Variants in PTK2B observed in about 807,000 individuals in gnomAD.
The protein encoded by PTK2B is protein tyrosine kinase 2 beta.
In PTK2B, 71 loss-of-function variants were observed where a neutral mutation model predicts 142.9. That is an observed-to-expected ratio of 0.50 (90% CI 0.41 to 0.61). The LOEUF (loss-of-function observed/expected upper bound fraction) is 0.61. PTK2B is among the 20% of genes least tolerant of loss of function. The probability of loss-of-function intolerance (pLI) is 0.00; values close to 1 mark genes in which losing one functional copy is unlikely to be tolerated. For synonymous variants in PTK2B, 519 were observed against 503.4 expected, an observed-to-expected ratio of 1.03 and a Z score of -0.42; for missense variants, 1,105 against 1,320.4, an observed-to-expected ratio of 0.84 and a Z score of 2.53.
At chr8:27,367,736 G>A (rs1806106431) in intron 1 of PTK2B, among the ~76,000 whole-genome samples, 1 of 152,204 alleles carries the variant, frequency 6.6e-6, no homozygotes, top group South Asian at 2.1e-4. Context: ...TGGCAGAAGG[G>A]AAGAGGAGCT....
chr8:27,402,887 T>G (rs75847654), intron 2 of PTK2B, among the ~76,000 whole-genome samples: 3,950 of 152,322 alleles, frequency 0.026, 62 homozygotes, highest in Middle Eastern at 0.054. Context: ...CCAAAGTATT[T>G]TCCATTGTGT....
At chr8:27,311,409 GGC>G (rs1156626553), upstream of PTK2B, 24 of 791,888 alleles carry the variant, frequency 3.0e-5, no homozygotes, top group Non-Finnish European at 4.6e-5. Context: ...GGAGGGAGGG[GGC>G]GCTCGGAGGA....
At chr8:27,327,665 C>CA (rs879835631) in intron 1 of PTK2B, among the ~76,000 whole-genome samples, 3 of 151,986 alleles carry the variant, frequency 2.0e-5, no homozygotes, top group South Asian at 2.1e-4. Flanking sequence ...ATTTAAAAAA[C>CA]AAAAAATCAA....
intron 7 of PTK2B, 59 bp downstream of exon 7, chr8:27,430,477 G>C: frequency 6.2e-7 from 1 of 1,601,066 alleles, no homozygotes; most frequent in Non-Finnish European, 8.6e-7. Flanking sequence ...AGAGTGTAAG[G>C]GATGAGGCTG....
At chr8:27,329,887 A>T (rs1305445522) in intron 1 of PTK2B, among the ~76,000 whole-genome samples, 1 of 152,134 alleles carries the variant, frequency 6.6e-6, no homozygotes, top group Non-Finnish European at 1.5e-5. Context: ...AGACAATAAC[A>T]GGGCTTTGGG....
intron 21 of PTK2B, among the ~76,000 whole-genome samples, chr8:27,441,191 C>A (rs1265468215): frequency 6.6e-6 from 1 of 152,122 alleles, no homozygotes; most frequent in Non-Finnish European, 1.5e-5. Flanking sequence ...GACAATACAT[C>A]GATGAATGGG....
chr8:27,393,297 C>T (rs1348317990), intron 1 of PTK2B, among the ~76,000 whole-genome samples: 1 of 152,228 alleles, frequency 6.6e-6, no homozygotes, highest in Non-Finnish European at 1.5e-5. Context: ...TGAGCATCCA[C>T]AGCAGATGTT....
At chr8:27,351,598 ATAAAT>A (rs571738114) in intron 1 of PTK2B, among the ~76,000 whole-genome samples, 55 of 152,304 alleles carry the variant, frequency 3.6e-4, no homozygotes, top group African/African-American at 1.2e-3. Context: ...ACCAAAAAAA[ATAAAT>A]TAATTAATAA....
At chr8:27,398,710 G>A (rs1808208932) in intron 2 of PTK2B, among the ~76,000 whole-genome samples, 1 of 152,202 alleles carries the variant, frequency 6.6e-6, no homozygotes, top group Admixed American at 6.5e-5. Context: ...CAGGTCTGAG[G>A]ACATGGGATG....
intron 1 of PTK2B, among the ~76,000 whole-genome samples, chr8:27,353,834 A>C (rs1427621796): frequency 6.6e-6 from 1 of 152,210 alleles, no homozygotes; most frequent in Non-Finnish European, 1.5e-5. Flanking sequence ...CTCAGCAGAA[A>C]TGGGCCTGCT....
chr8:27,355,425 G>A lies in PTK2B; in HGVS notation c.-38+29744G>A, dbSNP rs145703156. Among the ~76,000 whole-genome samples, 700 of 152,264 alleles carry A rather than the reference G, an allele frequency of 4.6e-3. 7 individuals carry two copies. The highest frequency in any genetic ancestry group is 0.016 in the African/African-American group (663 of 41,542). The stretch of plus-strand genomic sequence containing the variant: ...CGCGAGCCAAATAATGTAGCCTCTA[G>A]GAGCTGGAAAAGACAAGAAGAAGGA... On this transcript the variant is annotated intron_variant, in intron 1 of 30. Transcript: ENST00000346049.
At chr8:27,436,528 CAA>C (rs1018993823) in intron 15 of PTK2B, among the ~76,000 whole-genome samples, 180 bp downstream of exon 15, 10 of 151,802 alleles carry the variant, frequency 6.6e-5, no homozygotes, top group African/African-American at 9.7e-5. Flanking sequence ...GTGGTGGAGA[CAA>C]GAGTCATTTC....
At chr8:27,425,720 T>C (rs1370338861) in intron 5 of PTK2B, among the ~76,000 whole-genome samples, 2 of 152,202 alleles carry the variant, frequency 1.3e-5, no homozygotes, top group Middle Eastern at 3.2e-3. Context: ...ATATCTACCA[T>C]TATAGCATTA....
At chr8:27,336,943 C>G (rs751061237) in intron 1 of PTK2B, among the ~76,000 whole-genome samples, 89 of 152,028 alleles carry the variant, frequency 5.9e-4, no homozygotes, top group Non-Finnish European at 1.0e-3. Flanking sequence ...TCAAGCGATT[C>G]TCCTGCCTCA....
intron 2 of PTK2B, among the ~76,000 whole-genome samples, chr8:27,401,822 CA>C (rs1327120033): frequency 1.3e-5 from 2 of 151,964 alleles, no homozygotes; most frequent in African/African-American, 2.4e-5. Context: ...GTGGCTATTA[CA>C]TTGAATCAAA....
intron 2 of PTK2B, among the ~76,000 whole-genome samples, chr8:27,413,196 T>C (rs557028279): frequency 1.2e-4 from 19 of 152,346 alleles, no homozygotes; most frequent in African/African-American, 3.8e-4. Flanking sequence ...TATTCTTTTT[T>C]CTGAACTATT....
Position 27,458,591 on chromosome 8 carries a change from C to G in PTK2B, c.*82C>G. 1 of 1,441,534 alleles carries G rather than the reference C, an allele frequency of 6.9e-7. No individual in the cohort carries two copies. The allele number at this position is 1,441,534 out of a possible 1,614,324, so 89.3% of individuals were successfully genotyped here. ...CTGCCTTGCTGTTGGTCATGTGGGT[C>G]TTCCAGGGGGAAGGCCAAGGGGAGT... On this transcript the variant is annotated 3_prime_UTR_variant, in exon 31 of 31. Coordinates refer to ENST00000346049, the MANE Select transcript of PTK2B (RefSeq NM_173176.3).
chr8:27,392,455 C>T (rs554038113), intron 1 of PTK2B, among the ~76,000 whole-genome samples: 57 of 152,184 alleles, frequency 3.7e-4, no homozygotes, highest in Admixed American at 4.6e-4. Context: ...TTATTGCTTA[C>T]GAGGAACTCT....
chr8:27,319,969 C>T (rs58728077), intron 3 of PTK2B, among the ~76,000 whole-genome samples: 4,603 of 152,220 alleles, frequency 0.03, 256 homozygotes, highest in African/African-American at 0.1. Flanking sequence ...CAACTGATTG[C>T]CAGTGAACAC....
Sources: gnomAD v4.1 joint callset for allele counts (sites outside exome capture counted in the v4.1 genomes callset) on GRCh38, gnomAD v4.1.1 for gene constraint, MANE v1.5 for transcripts, NCBI Gene and HGNC (gene_info 2026-07-23, HGNC 2026-07-21) for gene names.